The following KLF8 variants were observed in gnomAD, a reference collection of about 807,000 sequenced individuals.
The protein encoded by KLF8 is Krueppel-like factor 8.
In KLF8, 10 loss-of-function variants were observed where a neutral mutation model predicts 18.2. The observed-to-expected ratio is 0.55, with a 90% CI of 0.34 to 0.93. The LOEUF (loss-of-function observed/expected upper bound fraction) is 0.93. KLF8 is among the 40% of genes least tolerant of loss of function. The probability of loss-of-function intolerance (pLI) is 0.02; values close to 1 mark genes in which losing one functional copy is unlikely to be tolerated. For missense variants in KLF8, 264 were observed against 277.9 expected (o/e 0.95, Z 0.36); for synonymous variants, 109 against 97.3 (o/e 1.12, Z -0.71).
At chrX:56,212,478 G>C in the KLF8 span, among the ~76,000 whole-genome samples, 1 of 112,103 alleles carries the variant, frequency 8.9e-6, no homozygotes, top group African/African-American at 3.2e-5. Context: ...TGAGGTTTGT[G>C]GGAACTCATG....
the KLF8 span, among the ~76,000 whole-genome samples, chrX:56,218,386 T>C: frequency 9.0e-6 from 1 of 111,190 alleles, no homozygotes; most frequent in African/African-American, 3.3e-5. Context: ...AACAGTCCTT[T>C]CGCTGGTTCA....
At position 56,269,014 on chromosome X, in the gene KLF8, A is replaced by G. The variant is rs1310000617; in HGVS notation, c.647-364A>G. 1.2e-4 allele frequency: 107 copies of G among 888,592 alleles called. No individual in the cohort carries two copies. In the South Asian group the frequency reaches 3.0e-3, roughly 25 times the overall value. The allele number at this position is 888,592 out of a possible 1,213,427, so 73.2% of individuals were successfully genotyped here. ...TCAGTGAGTTCAATTCAACACACACACACACACACACACGTTGAAACTAAC... is the reference window on the plus strand; with the variant it reads ...TCAGTGAGTTCAATTCAACACACACGCACACACACACACGTTGAAACTAAC... On this transcript the variant is annotated intron_variant, in intron 3 of 5. Transcript: ENST00000468660.
the KLF8 span, among the ~76,000 whole-genome samples, chrX:55,976,399 C>T: frequency 9.0e-6 from 1 of 111,517 alleles, no homozygotes. Context: ...CACCATTCTT[C>T]TCTATGATTC....
chrX:56,056,375 A>G, the KLF8 span, among the ~76,000 whole-genome samples: 2 of 107,914 alleles, frequency 1.9e-5, no homozygotes, highest in Non-Finnish European at 3.8e-5. Context: ...ATTTGCTCTC[A>G]CTCTGGGGGC....
At chrX:56,108,190 A>AT in the KLF8 span, among the ~76,000 whole-genome samples, 10 of 111,053 alleles carry the variant, frequency 9.0e-5, no homozygotes, top group Non-Finnish European at 1.7e-4. Flanking sequence ...ATGACAATGC[A>AT]TTTTTTTTAA....
At chrX:56,277,637 G>T (rs747436310) in intron 5 of KLF8, among the ~76,000 whole-genome samples, 7 of 112,071 alleles carry the variant, frequency 6.2e-5, no homozygotes, top group Non-Finnish European at 1.1e-4. Flanking sequence ...GCCAAGAACC[G>T]CTGTAACCAC....
At chrX:56,076,387 G>A in the KLF8 span, among the ~76,000 whole-genome samples, 4 of 100,581 alleles carry the variant, frequency 4.0e-5, no homozygotes, top group East Asian at 3.2e-4. Flanking sequence ...GAGAATATGC[G>A]GTGTTTGATT....
chrX:56,184,191 G>A, the KLF8 span, among the ~76,000 whole-genome samples: 1 of 112,197 alleles, frequency 8.9e-6, no homozygotes, highest in Non-Finnish European at 1.9e-5. Flanking sequence ...TTTCCGACGG[G>A]CTTAAAAAAT....
At chrX:56,175,423 G>A in the KLF8 span, among the ~76,000 whole-genome samples, 2 of 111,720 alleles carry the variant, frequency 1.8e-5, no homozygotes, top group East Asian at 2.8e-4. Context: ...GAGTTTCTTA[G>A]TTCTGAGTTC....
At chrX:56,015,601 T>C in the KLF8 span, among the ~76,000 whole-genome samples, 3 of 112,242 alleles carry the variant, frequency 2.7e-5, no homozygotes, top group Non-Finnish European at 5.6e-5. Flanking sequence ...ATAGGTCTCT[T>C]GTAGCTCTAG....
At chrX:56,071,403 A>G in the KLF8 span, among the ~76,000 whole-genome samples, 1 of 111,770 alleles carries the variant, frequency 8.9e-6, no homozygotes, top group Non-Finnish European at 1.9e-5. Context: ...GGTTCAAAAT[A>G]ATAGAAGGAA....
At chrX:56,171,421 C>G in the KLF8 span, among the ~76,000 whole-genome samples, 2 of 111,383 alleles carry the variant, frequency 1.8e-5, no homozygotes, top group Non-Finnish European at 3.8e-5. Context: ...ATGTGCACAA[C>G]GTGCAGGTTT....
chrX:56,164,889 C>T, the KLF8 span, among the ~76,000 whole-genome samples: 2 of 78,663 alleles, frequency 2.5e-5, no homozygotes, highest in African/African-American at 4.7e-5. Flanking sequence ...TCTCCCAATG[C>T]TATCCCTCCC....
At chrX:56,264,678 C>A (rs1046311544) in intron 2 of KLF8, among the ~76,000 whole-genome samples, 10 of 111,303 alleles carry the variant, frequency 9.0e-5, no homozygotes, top group African/African-American at 3.3e-4. Context: ...TATTAATTTT[C>A]TATGACTCAG....
At chrX:55,962,608 A>G in the KLF8 span, 1 of 121,783 alleles carries the variant, frequency 8.2e-6, no homozygotes, top group Non-Finnish European at 1.7e-5. Flanking sequence ...TGCATTGTGT[A>G]ACAACATTCA....
chrX:56,193,170 G>C, the KLF8 span, among the ~76,000 whole-genome samples: 2 of 112,320 alleles, frequency 1.8e-5, no homozygotes, highest in African/African-American at 6.5e-5. Context: ...AAATTAAAAA[G>C]ACATTTCTCA....
At chrX:56,179,037 T>G in the KLF8 span, among the ~76,000 whole-genome samples, 1 of 112,185 alleles carries the variant, frequency 8.9e-6, no homozygotes, top group Non-Finnish European at 1.9e-5. Context: ...CTTGGTAGCT[T>G]GATGGGGATG....
At chrX:55,962,147 T>C in the KLF8 span, 1 of 149,955 alleles carries the variant, frequency 6.7e-6, no homozygotes, top group South Asian at 1.5e-4. Flanking sequence ...ATTATAATCC[T>C]CCCCTCAATG....
the KLF8 span, among the ~76,000 whole-genome samples, chrX:55,957,110 G>T: frequency 2.7e-5 from 3 of 111,224 alleles, no homozygotes; most frequent in African/African-American, 9.8e-5. Context: ...TCTTCATGTG[G>T]TTATTCAGTT....
Sources: gnomAD v4.1 joint callset for allele counts (sites outside exome capture counted in the v4.1 genomes callset) on GRCh38, gnomAD v4.1.1 for gene constraint, MANE v1.5 for transcripts, NCBI Gene and HGNC (gene_info 2026-07-23, HGNC 2026-07-21) for gene names.